Variants in PRIMA1 observed in about 807,000 individuals in gnomAD.
The protein encoded by PRIMA1 is proline-rich membrane anchor 1.
A neutral mutation model predicts 17.5 loss-of-function variants in PRIMA1; 7 were observed. The ratio of observed to expected loss-of-function variants is 0.40; its 90% CI spans 0.23 to 0.75. The LOEUF (loss-of-function observed/expected upper bound fraction) is 0.75. Ranked by LOEUF, PRIMA1 falls within the 30% of genes least tolerant of loss-of-function variation. PRIMA1 has a pLI of 0.37. For missense variants in PRIMA1, 200 were observed against 201.8 expected, an observed-to-expected ratio of 0.99 and a Z score of 0.05; for synonymous variants, 97 against 77.9, an observed-to-expected ratio of 1.25 and a Z score of -1.29.
chr14:93,754,687 C>A (rs1420048585), intron 3 of PRIMA1, among the ~76,000 whole-genome samples: 1 of 152,214 alleles, frequency 6.6e-6, no homozygotes, highest in Non-Finnish European at 1.5e-5. Flanking sequence ...TCCTTACAGT[C>A]ATGAGCTCCC....
In PRIMA1 at chr14:93,725,191, C is replaced by T. The variant is rs973559333; in HGVS notation, c.360-3645G>A. Among the ~76,000 whole-genome samples, 12 of 149,632 alleles carry T rather than the reference C, an allele frequency of 8.0e-5. 1 individual carries two copies. Among genetic ancestry groups the T allele is most frequent in the Admixed American group, 5.9e-4 (9 of 15,212 alleles). ...CAGGCAGAGGGGCTTGGCAGAGGCT[C>T]GGCACCTGTGGCAGGTAAGGGGCTC... On this transcript the variant is annotated intron_variant, in intron 4 of 4. Coordinates refer to ENST00000393140, the MANE Select transcript of PRIMA1 (RefSeq NM_178013.4).
chr14:93,778,702 A>G (rs1566978158), intron 3 of PRIMA1, among the ~76,000 whole-genome samples: 1 of 152,226 alleles, frequency 6.6e-6, no homozygotes, highest in Non-Finnish European at 1.5e-5. Flanking sequence ...TCCAAGGCAA[A>G]CAAGTCACAG....
intron 3 of PRIMA1, among the ~76,000 whole-genome samples, chr14:93,755,947 C>A (rs1206094382): frequency 2.6e-5 from 4 of 152,222 alleles, no homozygotes; most frequent in Non-Finnish European, 5.9e-5. Flanking sequence ...CCCTACTCTT[C>A]CCCACCCGAA....
At chr14:93,767,972 T>C (rs1015886869) in intron 3 of PRIMA1, among the ~76,000 whole-genome samples, 1 of 152,104 alleles carries the variant, frequency 6.6e-6, no homozygotes, top group Non-Finnish European at 1.5e-5. Flanking sequence ...AGGAATATGA[T>C]CTGGAATGAG....
intron 3 of PRIMA1, among the ~76,000 whole-genome samples, chr14:93,762,688 C>A (rs1019959720): frequency 6.6e-6 from 1 of 152,180 alleles, no homozygotes; most frequent in Non-Finnish European, 1.5e-5. Context: ...AGCAGCCAGA[C>A]TGTCCAATAG....
chr14:93,786,264 C>T (rs1289437580), intron 2 of PRIMA1, among the ~76,000 whole-genome samples: 1 of 152,218 alleles, frequency 6.6e-6, no homozygotes, highest in East Asian at 1.9e-4. Context: ...GGAGGCACAG[C>T]TGAGTTTAAT....
chr14:93,756,611 T>C (rs957166432), intron 3 of PRIMA1, among the ~76,000 whole-genome samples: 2 of 151,944 alleles, frequency 1.3e-5, no homozygotes, highest in Non-Finnish European at 2.9e-5. Context: ...CCCAGCCAGA[T>C]GCCAACTACT....
intron 3 of PRIMA1, among the ~76,000 whole-genome samples, chr14:93,763,680 C>T (rs1017537804): frequency 2.8e-4 from 42 of 152,136 alleles, no homozygotes; most frequent in Non-Finnish European, 5.9e-5. Context: ...GTCTGCTAAT[C>T]GGTGAGCACT....
chr14:93,743,507 C>T (rs894435261), intron 3 of PRIMA1, among the ~76,000 whole-genome samples: 6 of 152,222 alleles, frequency 3.9e-5, no homozygotes, highest in Non-Finnish European at 7.3e-5. Context: ...GGGTCACAAC[C>T]GCTGACAATG....
chr14:93,777,429 C>T (rs189613273), intron 3 of PRIMA1, among the ~76,000 whole-genome samples: 108 of 152,296 alleles, frequency 7.1e-4, no homozygotes, highest in Middle Eastern at 3.4e-3. Flanking sequence ...CTCCGCCTCC[C>T]GGGTTCAAGC....
chr14:93,721,554 TG>T lies in PRIMA1; in HGVS notation c.360-9del. 2.5e-6 allele frequency: 4 copies of T among 1,588,234 alleles called. No individual in the cohort carries two copies. Among genetic ancestry groups the T allele is most frequent in the Non-Finnish European group, 3.4e-6 (4 of 1,160,308 alleles). On this transcript the variant is annotated splice_polypyrimidine_tract_variant and intron_variant, in intron 4 of 4. Transcript: ENST00000393140. ...TCTTTTCTCAGTGGTTTCCTGGAAGTGGGGGGAGGGGACAGGAAAGGCAAAG... is the reference window on the plus strand; with the variant it reads ...TCTTTTCTCAGTGGTTTCCTGGAAGTGGGGGAGGGGACAGGAAAGGCAAAG...
At chr14:93,733,872 T>A (rs2141158065) in intron 4 of PRIMA1, among the ~76,000 whole-genome samples, 1 of 152,290 alleles carries the variant, frequency 6.6e-6, no homozygotes, top group Non-Finnish European at 1.5e-5. Flanking sequence ...TGCTATCTCT[T>A]ACAGCCCCAG....
chr14:93,767,069 C>T (rs77474375), intron 3 of PRIMA1, among the ~76,000 whole-genome samples: 2,848 of 152,294 alleles, frequency 0.019, 96 homozygotes, highest in African/African-American at 0.064. Flanking sequence ...CCATGACCAA[C>T]GTCTGCAATA....
Position 93,787,618 on chromosome 14 carries a change from C to T in PRIMA1, c.93+8G>A, listed in dbSNP as rs1017066997. The T allele has an allele frequency of 6.5e-7, 1 of 1,540,514 alleles. No homozygotes were observed. Among genetic ancestry groups the T allele is most frequent in the South Asian group, 1.2e-5 (1 of 84,052 alleles). On this transcript the variant is annotated splice_region_variant and intron_variant, in intron 2 of 4. Coordinates refer to ENST00000393140, the MANE Select transcript of PRIMA1 (RefSeq NM_178013.4). ...CCTCCCAGCCAGTGCGCAGCCGGCG[C>T]GTCTCACCTGCACGAAGCCCCAGAG...
At chr14:93,732,060 C>T (rs147096008) in intron 4 of PRIMA1, among the ~76,000 whole-genome samples, 12 of 152,360 alleles carry the variant, frequency 7.9e-5, no homozygotes, top group African/African-American at 2.4e-4. Context: ...CCTGAGACCA[C>T]GTATTGGTCT....
chr14:93,751,491 T>C (rs938142344), intron 3 of PRIMA1, among the ~76,000 whole-genome samples: 3 of 152,186 alleles, frequency 2.0e-5, no homozygotes, highest in South Asian at 2.1e-4. Flanking sequence ...GACATGAGGT[T>C]ACCAAGATGC....
At chr14:93,774,055 G>A (rs1032817589) in intron 3 of PRIMA1, among the ~76,000 whole-genome samples, 1 of 151,946 alleles carries the variant, frequency 6.6e-6, no homozygotes, top group South Asian at 2.1e-4. Context: ...TCACAGCACC[G>A]CACTTCAGCC....
At chr14:93,785,337 G>A (rs1016568312) in intron 2 of PRIMA1, among the ~76,000 whole-genome samples, 4 of 152,108 alleles carry the variant, frequency 2.6e-5, no homozygotes, top group Non-Finnish European at 4.4e-5. Flanking sequence ...TTTAAATATC[G>A]TCTAACTTTA....
At chr14:93,773,181 CA>C (rs1885117060) in intron 3 of PRIMA1, among the ~76,000 whole-genome samples, 1 of 152,196 alleles carries the variant, frequency 6.6e-6, no homozygotes. Flanking sequence ...ACCTTTTGAG[CA>C]CAAAGTTTCT....
Sources: gnomAD v4.1 joint callset for allele counts (sites outside exome capture counted in the v4.1 genomes callset) on GRCh38, gnomAD v4.1.1 for gene constraint, MANE v1.5 for transcripts, NCBI Gene and HGNC (gene_info 2026-07-23, HGNC 2026-07-21) for gene names.